Variants in DENR observed in about 807,000 individuals in gnomAD.
DENR encodes density regulated re-initiation and release factor.
Under a neutral mutation model 30.6 loss-of-function variants are expected in DENR, and 6 were observed. The ratio of observed to expected loss-of-function variants is 0.20; its 90% confidence interval spans 0.11 to 0.39. The LOEUF (loss-of-function observed/expected upper bound fraction) is 0.39, where lower values mean the gene tolerates loss of function less well. Ranked by LOEUF, DENR falls within the 10% of genes least tolerant of loss-of-function variation. The pLI is 1.00. For missense variants in DENR, 141 were observed against 230.9 expected, an observed-to-expected ratio of 0.61 and a Z score of 2.52; for synonymous variants, 78 against 72.1, an observed-to-expected ratio of 1.08 and a Z score of -0.41.
At chr12:122,767,814 T>G (rs1409194603) in intron 6 of DENR, among the ~76,000 whole-genome samples, 2 of 152,214 alleles carry the variant, frequency 1.3e-5, no homozygotes, top group Non-Finnish European at 2.9e-5. Context: ...CTTTTTACTT[T>G]CTGGAATTCC....
At chr12:122,762,992 A>G in intron 4 of DENR, 63 bp downstream of exon 4, 2 of 907,566 alleles carry the variant, frequency 2.2e-6, no homozygotes, top group Non-Finnish European at 3.4e-6. Context: ...GTATGGCATT[A>G]TTCTAAAGAT....
chr12:122,760,751 A>T (rs568818996), intron 2 of DENR, among the ~76,000 whole-genome samples: 1 of 152,124 alleles, frequency 6.6e-6, no homozygotes, highest in Non-Finnish European at 1.5e-5. Context: ...AAATAAAAAC[A>T]AAATAAGCAG....
Position 122,765,296 on chromosome 12 carries a change from A to G in DENR, c.212-8A>G. ...GTTCATGCTTTTGTATTTCACTTTTATATCTAGAAAATTCACCCAAACAAG... is the reference window on the plus strand; with the variant it reads ...GTTCATGCTTTTGTATTTCACTTTTGTATCTAGAAAATTCACCCAAACAAG... On this transcript the variant is annotated splice_region_variant and splice_polypyrimidine_tract_variant and intron_variant, in intron 4 of 7. Coordinates refer to ENST00000280557, the MANE Select transcript of DENR (RefSeq NM_003677.5). The G allele has an allele frequency of 6.5e-7, 1 of 1,549,196 alleles. No individual in the cohort carries two copies. Among genetic ancestry groups the G allele is most frequent in the Admixed American group, 2.0e-5 (1 of 50,656 alleles).
intron 1 of DENR, 64 bp from the exon 2 acceptor site, chr12:122,753,629 A>G (rs1016114761): frequency 7.8e-5 from 101 of 1,291,994 alleles, no homozygotes; most frequent in Admixed American, 2.9e-4. Context: ...TGTTGAGAGG[A>G]ACACTGCTCT....
chr12:122,762,938 A>AT lies in DENR; in HGVS notation c.211+17dup, dbSNP rs765293806. 40 of 1,497,336 alleles carry AT rather than the reference A, an allele frequency of 2.7e-5. No individual in the cohort carries two copies. The highest frequency in any genetic ancestry group is 3.1e-5 in the Non-Finnish European group (34 of 1,106,868). 92.8% of individuals were successfully genotyped at this position (1,497,336 alleles called of 1,614,324 possible). A position where few individuals can be genotyped will look rare whatever the true frequency, so the allele number is the denominator to read the frequency against. On this transcript the variant is annotated intron_variant, in intron 4 of 7. Coordinates refer to ENST00000280557, the MANE Select transcript of DENR (RefSeq NM_003677.5). ...TGCAAAACTTACTGTAGGTATGAACATTTTTTTTCTTGCATTAAACTTCTG... is the reference window on the plus strand; with the variant it reads ...TGCAAAACTTACTGTAGGTATGAACATTTTTTTTTCTTGCATTAAACTTCTG...
chr12:122,768,413 G>A (rs1487905069), intron 6 of DENR, among the ~76,000 whole-genome samples: 1 of 152,030 alleles, frequency 6.6e-6, no homozygotes, highest in Non-Finnish European at 1.5e-5. Flanking sequence ...CAGGAGAATC[G>A]CTTGAATCTG....
In DENR at chr12:122,769,654, C is replaced by T; in HGVS notation, c.*576C>T. 1.0e-5 allele frequency: 2 copies of T among 191,402 alleles called. No individual in the cohort carries two copies. The highest frequency in any genetic ancestry group is 8.2e-5 in the South Asian group (1 of 12,258). The allele number at this position is 191,402 out of a possible 1,614,324, so 11.9% of individuals were successfully genotyped here. A position where few individuals can be genotyped will look rare whatever the true frequency, so the allele number is the denominator to read the frequency against. ...CCCAAGTAGGTGGGATTACAGGCGCCCGCCACCACGCCCAGCTAATTTTTG... is the reference window on the plus strand; with the variant it reads ...CCCAAGTAGGTGGGATTACAGGCGCTCGCCACCACGCCCAGCTAATTTTTG... On this transcript the variant is annotated 3_prime_UTR_variant, in exon 8 of 8. Coordinates refer to ENST00000280557, the MANE Select transcript of DENR (RefSeq NM_003677.5).
At chr12:122,753,843 C>T in intron 2 of DENR, 36 bp downstream of exon 2, 2 of 1,494,294 alleles carry the variant, frequency 1.3e-6, no homozygotes, top group Non-Finnish European at 1.9e-6. Context: ...CTTTTACTCA[C>T]TATACTTTTA....
intron 2 of DENR, among the ~76,000 whole-genome samples, chr12:122,755,979 ATTG>A (rs1477756539): frequency 6.6e-6 from 1 of 152,234 alleles, no homozygotes; most frequent in African/African-American, 2.4e-5. Context: ...GTATGATGAC[ATTG>A]TTAATAGAGT....
chr12:122,758,832 A>C (rs1878619044), intron 2 of DENR, among the ~76,000 whole-genome samples: 1 of 140,342 alleles, frequency 7.1e-6, no homozygotes, highest in Non-Finnish European at 1.5e-5. Flanking sequence ...TGGAGTCTAG[A>C]GGCTTAATTT....
intron 2 of DENR, among the ~76,000 whole-genome samples, chr12:122,758,829 T>C (rs1196573037): frequency 6.8e-6 from 1 of 146,900 alleles, no homozygotes; most frequent in African/African-American, 2.5e-5. Context: ...AGCTGGAGTC[T>C]AGAGGCTTAA....
chr12:122,764,929 C>T (rs960341073), intron 4 of DENR, among the ~76,000 whole-genome samples: 14 of 152,200 alleles, frequency 9.2e-5, no homozygotes, highest in Non-Finnish European at 1.5e-4. Flanking sequence ...TGTCCCTGAA[C>T]GGGACCTTCC....
chr12:122,765,446 G>T, intron 5 of DENR, 59 bp downstream of exon 5: 5 of 1,433,948 alleles, frequency 3.5e-6, no homozygotes, highest in Non-Finnish European at 4.8e-6. Context: ...GATAGAAAAT[G>T]TAAGTAATTA....
chr12:122,754,925 A>G (rs76386119), intron 2 of DENR, among the ~76,000 whole-genome samples: 9,612 of 152,268 alleles, frequency 0.063, 1,050 homozygotes, highest in African/African-American at 0.22. Context: ...TTAATGGTGA[A>G]AAAGGAAAAA....
Position 122,769,542 on chromosome 12 carries a change from T to A in DENR, c.*464T>A. 6.4e-6 allele frequency: 6 copies of A among 940,384 alleles called. No individual in the cohort carries two copies. Among genetic ancestry groups the A allele is most frequent in the Middle Eastern group, 5.3e-4 (1 of 1,884 alleles). The allele number at this position is 940,384 out of a possible 1,614,324, so 58.3% of individuals were successfully genotyped here. ...TTTTTTTTTTGACAGAGTCTCGCAC[T>A]GTTGCCTGGGCTGGAATGCAGTGGT... On this transcript the variant is annotated 3_prime_UTR_variant, in exon 8 of 8. Coordinates refer to ENST00000280557, the MANE Select transcript of DENR (RefSeq NM_003677.5).
At chr12:122,765,257 C>G (rs1406398096) in intron 4 of DENR, 47 bp from the exon 5 acceptor site, 1 of 1,426,856 alleles carries the variant, frequency 7.0e-7, no homozygotes, top group African/African-American at 1.5e-5. Flanking sequence ...TTTTTTTTAA[C>G]AGTGTGAGAT....
At chr12:122,764,980 T>C (rs1878809244) in intron 4 of DENR, among the ~76,000 whole-genome samples, 2 of 152,220 alleles carry the variant, frequency 1.3e-5, no homozygotes, top group African/African-American at 2.4e-5. Flanking sequence ...AGCTCTTCTC[T>C]AGATGTTAAC....
chr12:122,754,008 A>G lies in DENR; in HGVS notation c.106+201A>G, dbSNP rs888991684. ...GATTTGTGTCTGGCTACTCTGCCTG[A>G]AGAAGCTTACAGTCCATTTGTAACA... On this transcript the variant is annotated intron_variant, in intron 2 of 7. Transcript: ENST00000280557. 6.7e-6 allele frequency: 4 copies of G among 598,832 alleles called. No homozygotes were observed. The African/African-American group carries it at 7.4e-5, about 11-fold the overall frequency. 37.1% of individuals were successfully genotyped at this position (598,832 alleles called of 1,614,324 possible).
chr12:122,763,633 A>G (rs1387168291), intron 4 of DENR, among the ~76,000 whole-genome samples: 1 of 152,160 alleles, frequency 6.6e-6, no homozygotes, highest in East Asian at 1.9e-4. Context: ...TCCGGGAGGC[A>G]GAGGTTGCAG....
Sources: gnomAD v4.1 joint callset for allele counts (sites outside exome capture counted in the v4.1 genomes callset) on GRCh38, gnomAD v4.1.1 for gene constraint, MANE v1.5 for transcripts, NCBI Gene and HGNC (gene_info 2026-07-23, HGNC 2026-07-21) for gene names.